HSPD1: variants seen among roughly 807,000 people sequenced by gnomAD.
HSPD1 encodes the protein heat shock protein family D (Hsp60) member 1.
Under a neutral mutation model 53.0 loss-of-function variants are expected in HSPD1, and 3 were observed. The observed-to-expected ratio is 0.06, with a 90% CI of 0.03 to 0.15. HSPD1 has a LOEUF of 0.15. HSPD1 is among the 10% of genes least tolerant of loss of function. The pLI, the probability that HSPD1 is intolerant of heterozygous loss-of-function variation, is 1.00. For synonymous variants in HSPD1, 200 were observed against 228.0 expected (o/e 0.88, Z 1.10); for missense variants, 431 against 694.1 (o/e 0.62, Z 4.26).
At chr2:197,494,877 G>A (rs564553952) in intron 4 of HSPD1, 125 bp from the exon 5 acceptor site, 20 of 720,904 alleles carry the variant, frequency 2.8e-5, no homozygotes, top group East Asian at 1.1e-4. Context: ...GGGAATTTAC[G>A]TTATGGTAGT....
chr2:197,496,612 A>G (rs1002971632), intron 3 of HSPD1, among the ~76,000 whole-genome samples: 1 of 152,240 alleles, frequency 6.6e-6, no homozygotes, highest in African/African-American at 2.4e-5. Flanking sequence ...GAACCTCATG[A>G]GGAGGAGCAA....
intron 11 of HSPD1, among the ~76,000 whole-genome samples, chr2:197,487,461 C>T (rs760887476): frequency 2.8e-4 from 42 of 152,170 alleles, no homozygotes; most frequent in Non-Finnish European, 5.6e-4. Flanking sequence ...GCAGGAGAAT[C>T]GCTTGAACCC....
In HSPD1 at chr2:197,488,591, G is replaced by T. The variant is rs529125313; in HGVS notation, c.1216-100C>A. The T allele has an allele frequency of 1.9e-4, 208 of 1,096,976 alleles. 1 individual carries two copies. The highest frequency in any genetic ancestry group is 2.7e-4 in the Non-Finnish European group (194 of 708,882). 68.0% of individuals were successfully genotyped at this position (1,096,976 alleles called of 1,614,324 possible). On this transcript the variant is annotated intron_variant, in intron 9 of 11. Transcript: ENST00000388968. ...TTTACTTAAAAAGCAATCCTGAGGTGGGCGTGGTGGCTCACACCTGTAATC... is the reference window on the plus strand; with the variant it reads ...TTTACTTAAAAAGCAATCCTGAGGTTGGCGTGGTGGCTCACACCTGTAATC...
chr2:197,498,660 TAA>T lies in HSPD1; in HGVS notation c.174+13_174+14del. 1 of 1,609,592 alleles carries T rather than the reference TAA, an allele frequency of 6.2e-7. No individual in the cohort carries two copies. The highest frequency in any genetic ancestry group is 8.5e-7 in the Non-Finnish European group (1 of 1,176,028). On this transcript the variant is annotated intron_variant, in intron 2 of 11. Transcript: ENST00000388968. Reference sequence around the variant, plus strand: ...TAATAATACCGTAATTACAATAAAATAAAAATACTGGTACCTTTGGCCCCATT... The same window carrying T: ...TAATAATACCGTAATTACAATAAAATAAATACTGGTACCTTTGGCCCCATT...
chr2:197,498,871 A>C, intron 1 of HSPD1, 21 bp from the exon 2 acceptor site: 1 of 1,612,554 alleles, frequency 6.2e-7, no homozygotes. Flanking sequence ...AAGCAAAAAG[A>C]TCATCAGAAC....
At chr2:197,490,582 G>A in intron 7 of HSPD1, 2 of 387,704 alleles carry the variant, frequency 5.2e-6, no homozygotes, top group Admixed American at 4.0e-5. Flanking sequence ...TGTAATCCCG[G>A]CACTTTGCAA....
rs760385116 is a variant in HSPD1, at chr2:197,490,328, T to C, written c.870-32A>G. 5 of 1,525,162 alleles carry C rather than the reference T, an allele frequency of 3.3e-6. No homozygotes were observed. In the African/African-American group the frequency reaches 6.8e-5, roughly 21 times the overall value. The allele number at this position is 1,525,162 out of a possible 1,614,324, so 94.5% of individuals were successfully genotyped here. ...AGAATAGTTGATAGTAAGATTTAAATGAAATAAAAATGCCTATCTGTTTAA... is the reference window on the plus strand; with the variant it reads ...AGAATAGTTGATAGTAAGATTTAAACGAAATAAAAATGCCTATCTGTTTAA... On this transcript the variant is annotated intron_variant, in intron 7 of 11. Transcript: ENST00000388968.
In HSPD1 at chr2:197,498,842, G is replaced by C. The variant is rs754385665; in HGVS notation, c.7C>G (p.Arg3Gly). 1 of 1,614,122 alleles carries C rather than the reference G, an allele frequency of 6.2e-7. No individual in the cohort carries two copies. ...ATCTGGCGAAAGACTGTGGGTAACCGAAGCATTTCTGGGGATGGAAGCAAA... is the reference window on the plus strand; with the variant it reads ...ATCTGGCGAAAGACTGTGGGTAACCCAAGCATTTCTGGGGATGGAAGCAAA... ML[R>G]LPTVFRQMRP... The change falls in exon 2 of 12, where the codon CGG becomes GGG. Residue 3 changes from arginine to glycine, a missense_variant. Transcript: ENST00000388968.
intron 4 of HSPD1, 199 bp from the exon 5 acceptor site, chr2:197,494,951 A>G (rs2086139868): frequency 1.6e-6 from 1 of 615,014 alleles, no homozygotes; most frequent in African/African-American, 1.9e-5. Context: ...GTTTTGAAGA[A>G]TATGATACAT....
intron 3 of HSPD1, 42 bp downstream of exon 3, chr2:197,497,098 C>T: frequency 6.2e-7 from 1 of 1,601,088 alleles, no homozygotes; most frequent in Non-Finnish European, 8.6e-7. Context: ...CCTTAAAGCA[C>T]ACTGAAGTTT....
chr2:197,490,119 T>A, intron 8 of HSPD1, 78 bp downstream of exon 8: 3 of 1,041,658 alleles, frequency 2.9e-6, no homozygotes, highest in Non-Finnish European at 4.5e-6. Flanking sequence ...AGTATCTAAT[T>A]GTGAAATGTT....
At chr2:197,487,442 G>A (rs1365972940) in intron 11 of HSPD1, among the ~76,000 whole-genome samples, 1 of 152,132 alleles carries the variant, frequency 6.6e-6, no homozygotes, top group Non-Finnish European at 1.5e-5. Flanking sequence ...AGCTACTCAG[G>A]AGCCTGAGGC....
intron 8 of HSPD1, 39 bp downstream of exon 8, chr2:197,490,158 A>G (rs1041485147): frequency 1.2e-5 from 16 of 1,325,476 alleles, no homozygotes; most frequent in Non-Finnish European, 1.7e-5. Flanking sequence ...AGACAAGTAT[A>G]AACATTCAGC....
chr2:197,487,709 C>A, intron 11 of HSPD1, 149 bp downstream of exon 11: 1 of 687,006 alleles, frequency 1.5e-6, no homozygotes. Context: ...TGGAAATGTA[C>A]ATGAGAATTG....
chr2:197,495,764 C>T (rs1217898521), intron 3 of HSPD1, among the ~76,000 whole-genome samples: 2 of 152,142 alleles, frequency 1.3e-5, no homozygotes, highest in Admixed American at 1.3e-4. Flanking sequence ...GTCTTTAGTG[C>T]CTTAATATTA....
chr2:197,497,261 G>A lies in HSPD1; in HGVS notation c.306C>T (p.Ala102=), dbSNP rs527339486. The A allele has an allele frequency of 1.9e-6, 3 of 1,614,020 alleles. No individual in the cohort carries two copies. The highest frequency in any genetic ancestry group is 2.5e-6 in the Non-Finnish European group (3 of 1,179,920). ...CCCCAGCTTCTTCATTTGTGTTATT[G>A]GCAACATCTTGAACAAGTTTAGCTC... ...NIGAKLVQDV[A]NNTNEEAGDG... The change falls in exon 3 of 12, where the codon GCC becomes GCT. Residue 102 remains alanine (A), a synonymous_variant. Transcript: ENST00000388968.
intron 2 of HSPD1, 142 bp from the exon 3 acceptor site, chr2:197,497,534 C>T (rs2086173856): frequency 2.5e-6 from 2 of 785,644 alleles, no homozygotes; most frequent in Non-Finnish European, 4.3e-6. Context: ...CAGCATGAAC[C>T]TCAAGGGCAA....
intron 2 of HSPD1, among the ~76,000 whole-genome samples, chr2:197,498,334 C>T (rs2086186038): frequency 6.6e-6 from 1 of 152,182 alleles, no homozygotes; most frequent in Non-Finnish European, 1.5e-5. Flanking sequence ...AAGTTAAACT[C>T]TTCTCTCTAC....
Position 197,493,436 on chromosome 2 carries a change from T to C in HSPD1, c.757A>G (p.Ser253Gly). ...AGAGCAGGTACAATGGACTGGATAC[T>C]AGAAATTTTCTTTTCACTCAACAGA... ...YVLLSEKKIS[S>G]IQSIVPALEI... The change falls in exon 7 of 12, where the codon AGT becomes GGT. Residue 253 changes from serine to glycine, a missense_variant. Coordinates refer to ENST00000388968, the MANE Select transcript of HSPD1 (RefSeq NM_002156.5). 1 of 1,613,112 alleles carries C rather than the reference T, an allele frequency of 6.2e-7. No individual in the cohort carries two copies. The highest frequency in any genetic ancestry group is 8.5e-7 in the Non-Finnish European group (1 of 1,179,038).
Sources: allele counts gnomAD v4.1 joint callset (sites outside exome capture counted in the v4.1 genomes callset), GRCh38; gene constraint gnomAD v4.1.1; transcripts MANE v1.5; gene names NCBI Gene and HGNC (gene_info 2026-07-23, HGNC 2026-07-21).